The following CES4A variants were observed in gnomAD, a reference collection of about 807,000 sequenced individuals.
The protein encoded by CES4A is carboxylesterase 6.
Under a neutral mutation model 65.4 loss-of-function variants are expected in CES4A, and 48 were observed. The ratio of observed to expected loss-of-function variants is 0.73; its 90% CI spans 0.58 to 0.93. CES4A has a LOEUF of 0.93. Ranked by LOEUF, CES4A falls within the 40% of genes least tolerant of loss-of-function variation. The pLI, the probability that CES4A is intolerant of heterozygous loss-of-function variation, is 0.00. For missense variants in CES4A, 685 were observed against 728.5 expected (o/e 0.94, Z 0.69); for synonymous variants, 247 against 281.8 (o/e 0.88, Z 1.24).
intron 1 of CES4A, among the ~76,000 whole-genome samples, chr16:66,989,387 G>A (rs1163565167): frequency 6.6e-6 from 1 of 151,074 alleles, no homozygotes; most frequent in African/African-American, 2.4e-5. Flanking sequence ...CCATTATCCA[G>A]ATCAACATCT....
chr16:67,000,829 C>A lies in CES4A; in HGVS notation c.403-28C>A. 1.3e-6 allele frequency: 2 copies of A among 1,560,598 alleles called. No homozygotes were observed. The highest frequency in any genetic ancestry group is 1.9e-5 in the Admixed American group (1 of 52,024). On this transcript the variant is annotated intron_variant, in intron 3 of 13. Transcript: ENST00000648724. This position sits in a 1 kb window ranked among gnomAD's most constrained non-coding sequence, Gnocchi z 4.2. ...GCGGTCCCACCGCCGCCCACCGCCCCGCTCAGATCCCGGCCTTCTTCGTCC... is the reference window on the plus strand; with the variant it reads ...GCGGTCCCACCGCCGCCCACCGCCCAGCTCAGATCCCGGCCTTCTTCGTCC...
chr16:67,004,165 T>C lies in CES4A; in HGVS notation c.1021T>C (p.Ser341Pro), dbSNP rs1349836386. 6.2e-7 allele frequency: 1 copy of C among 1,614,234 alleles called. No homozygotes were observed. The highest frequency in any genetic ancestry group is 1.7e-5 in the Admixed American group (1 of 60,034). The change falls in exon 9 of 14, where the codon TCA (serine) becomes CCA (proline). Residue 341 changes from serine to proline, a missense_variant. Coordinates refer to ENST00000648724, the Ensembl canonical transcript of CES4A. ...GGTGCTCCTGACCCAGGGGAAGGTT[T>C]CATCTGTGCCCTACCTTCTAGGTGT...
intron 1 of CES4A, among the ~76,000 whole-genome samples, chr16:66,994,689 A>G (rs1165160138): frequency 1.3e-5 from 2 of 151,134 alleles, no homozygotes; most frequent in Non-Finnish European, 3.0e-5. Context: ...AAAATACAAA[A>G]TTAGCCAGGC....
intron 1 of CES4A, among the ~76,000 whole-genome samples, chr16:66,993,690 AT>A (rs1964573075): frequency 1.3e-5 from 2 of 152,204 alleles, no homozygotes; most frequent in African/African-American, 4.8e-5. Flanking sequence ...ACATGTACCT[AT>A]ATCATAAATT....
chr16:66,997,904 G>A (rs1032168362), intron 2 of CES4A, among the ~76,000 whole-genome samples: 1 of 151,274 alleles, frequency 6.6e-6, no homozygotes, highest in African/African-American at 2.4e-5. Context: ...TTATGATCGT[G>A]CCACTCACAC....
Position 67,001,723 on chromosome 16 carries a change from G to T in CES4A, c.690+262G>T, listed in dbSNP as rs1213912298. 6.6e-6 allele frequency among the ~76,000 whole-genome samples: 1 copy of T among 152,228 alleles called. No homozygotes were observed. The highest frequency in any genetic ancestry group is 2.4e-5 in the African/African-American group (1 of 41,450). On this transcript the variant is annotated intron_variant, in intron 5 of 13. Coordinates refer to ENST00000648724, the Ensembl canonical transcript of CES4A. This position sits in a 1 kb window ranked among gnomAD's most constrained non-coding sequence, Gnocchi z 4.1. ...AATCAGTGAATCCAGGTGCTACCCA[G>T]CACCTTCTGCCTCTCCACATTCCCC...
chr16:67,003,345 T>C lies in CES4A; in HGVS notation c.885T>C (p.Arg295=). 6.2e-7 allele frequency: 1 copy of C among 1,613,912 alleles called. No individual in the cohort carries two copies. The highest frequency in any genetic ancestry group is 2.2e-5 in the East Asian group (1 of 44,884). The change falls in exon 7 of 14, where the codon CGT becomes CGC. Residue 295 remains arginine (R), a synonymous_variant. Coordinates refer to ENST00000648724, the Ensembl canonical transcript of CES4A. This position sits in a 1 kb window ranked among gnomAD's most constrained non-coding sequence, Gnocchi z 4.2. ...CACTATCAGGGACCAAGGTGATGCG[T>C]GTGTCCAACAAGATGGTAGGTAGAA...
At chr16:67,002,736 A>C (rs977964903) in intron 5 of CES4A, among the ~76,000 whole-genome samples, 3 of 152,082 alleles carry the variant, frequency 2.0e-5, no homozygotes, top group Non-Finnish European at 2.9e-5. Context: ...AGCTGTCAGC[A>C]CAGGTAACAA....
chr16:66,992,613 C>T (rs151273435), intron 1 of CES4A, among the ~76,000 whole-genome samples: 2 of 152,302 alleles, frequency 1.3e-5, no homozygotes, highest in East Asian at 3.9e-4. Flanking sequence ...TGTCACTTTA[C>T]AGAATGAGCT....
chr16:66,995,845 C>T lies in CES4A; in HGVS notation c.260+16C>T. The T allele has an allele frequency of 6.2e-7, 1 of 1,610,666 alleles. No individual in the cohort carries two copies. Among genetic ancestry groups the T allele is most frequent in the Non-Finnish European group, 8.5e-7 (1 of 1,178,280 alleles). ...ACCCGCCTGGGTAAGAGTCAGAGGCCTGTCCACTGGGAGGGGGCAATGGGC... is the reference window on the plus strand; with the variant it reads ...ACCCGCCTGGGTAAGAGTCAGAGGCTTGTCCACTGGGAGGGGGCAATGGGC... On this transcript the variant is annotated intron_variant, in intron 2 of 13. Coordinates refer to ENST00000648724, the Ensembl canonical transcript of CES4A.
chr16:66,994,084 G>C (rs1490224981), intron 1 of CES4A, among the ~76,000 whole-genome samples: 1 of 151,468 alleles, frequency 6.6e-6, no homozygotes, highest in Non-Finnish European at 1.5e-5. Flanking sequence ...CTGGGCGACA[G>C]AGCAAGACTC....
chr16:66,996,092 C>T (rs754305854), intron 2 of CES4A: 27 of 567,156 alleles, frequency 4.8e-5, no homozygotes, highest in South Asian at 6.2e-5. Flanking sequence ...GGCTGGAGTG[C>T]AGTGGCACGA....
Position 67,000,873 on chromosome 16 carries a change from C to A in CES4A, c.419C>A (p.Pro140Gln). 1 of 1,602,292 alleles carries A rather than the reference C, an allele frequency of 6.2e-7. No individual in the cohort carries two copies. Among genetic ancestry groups the A allele is most frequent in the East Asian group, 2.3e-5 (1 of 44,278 alleles). Residue 140 changes from proline to glutamine, a missense_variant, in exon 4 of 14, where the codon CCG becomes CAG. Pro to Gln is a moderately conservative substitution (Grantham distance 76, BLOSUM62 -1). Transcript: ENST00000648724. This position sits in a 1 kb window ranked among gnomAD's most constrained non-coding sequence, Gnocchi z 4.2. ...TTCGTCCAGGTGATGGTCTGGTTCC[C>A]GGGAGGCGCCTTCATCGTGGGCGCT...
rs779116353 is a variant in CES4A at position 66,995,832 on chromosome 16, A to G, written c.260+3A>G. 1 of 1,613,068 alleles carries G rather than the reference A, an allele frequency of 6.2e-7. No individual in the cohort carries two copies. Among genetic ancestry groups the G allele is most frequent in the African/African-American group, 1.3e-5 (1 of 75,042 alleles). ...GATGCTACCACCTACCCGCCTGGGT[A>G]AGAGTCAGAGGCCTGTCCACTGGGA... On this transcript the variant is annotated splice_donor_region_variant and intron_variant, in intron 2 of 13. Transcript: ENST00000648724.
intron 2 of CES4A, among the ~76,000 whole-genome samples, chr16:66,999,238 G>A (rs971939146): frequency 6.6e-6 from 1 of 152,182 alleles, no homozygotes; most frequent in Non-Finnish European, 1.5e-5. Flanking sequence ...AGGAACAGGC[G>A]AGGCAAACAG....
chr16:67,005,926 G>A (rs1965725056), intron 11 of CES4A: 1 of 189,738 alleles, frequency 5.3e-6, no homozygotes, highest in Non-Finnish European at 1.1e-5. Flanking sequence ...CAGTCCAGAG[G>A]AGAAGCCTGG....
intron 9 of CES4A, 96 bp downstream of exon 9, chr16:67,004,320 G>A: frequency 1.4e-6 from 2 of 1,381,084 alleles, no homozygotes; most frequent in East Asian, 2.3e-5. Context: ...CTGGGCACCA[G>A]GTCAGATGCC....
At position 67,000,909 on chromosome 16, in the gene CES4A, A is replaced by T. The variant is rs1323175767; in HGVS notation, c.455A>T (p.Tyr152Phe). ...TTCATCGTGGGCGCTGCTTCTTCGT[A>T]CGAGGGCTCTGACTTGGCCGCCCGC... The change falls in exon 4 of 14, where the codon TAC (tyrosine) becomes TTC (phenylalanine). Residue 152 changes from tyrosine to phenylalanine, a missense_variant. Coordinates refer to ENST00000648724, the Ensembl canonical transcript of CES4A. This position sits in a 1 kb window ranked among gnomAD's most constrained non-coding sequence, Gnocchi z 4.2. The T allele has an allele frequency of 1.2e-6, 2 of 1,612,428 alleles. No homozygotes were observed. The highest frequency in any genetic ancestry group is 1.7e-6 in the Non-Finnish European group (2 of 1,179,312).
chr16:66,994,875 G>T (rs1295656592), intron 1 of CES4A, among the ~76,000 whole-genome samples: 1 of 151,228 alleles, frequency 6.6e-6, no homozygotes, highest in East Asian at 2.0e-4. Flanking sequence ...GCGGTGCTGT[G>T]TGTCTGTAGT....
Sources: allele counts gnomAD v4.1 joint callset (sites outside exome capture counted in the v4.1 genomes callset), GRCh38; gene constraint gnomAD v4.1.1; non-coding constraint Gnocchi (gnomAD v3.1); transcripts MANE v1.5; gene names NCBI Gene and HGNC (gene_info 2026-07-23, HGNC 2026-07-21).